Variants in SGCZ observed in about 807,000 individuals in gnomAD.
SGCZ encodes the protein zeta-sarcoglycan.
SGCZ carries 40 observed loss-of-function variants against 41.3 expected under a neutral mutation model. The observed-to-expected ratio is 0.97, with a 90% CI of 0.75 to 1.26. The LOEUF is 1.26. Among genes scored for constraint, SGCZ ranks in the 50% most tolerant of loss-of-function variants. The pLI is 0.00. For synonymous variants in SGCZ, 206 were observed against 137.5 expected (o/e 1.50, Z -3.49); for missense variants, 552 against 369.8 (o/e 1.49, Z -4.04).
At chr8:14,563,997 C>G (rs992345185) in intron 1 of SGCZ, among the ~76,000 whole-genome samples, 6 of 152,244 alleles carry the variant, frequency 3.9e-5, no homozygotes, top group South Asian at 2.1e-4. Flanking sequence ...GCTCTTCTCA[C>G]TCACTAATTT....
At chr8:14,870,770 C>G (rs549377445) in intron 1 of SGCZ, among the ~76,000 whole-genome samples, 1 of 150,870 alleles carries the variant, frequency 6.6e-6, no homozygotes, top group Non-Finnish European at 1.5e-5. Flanking sequence ...GTGAAGAATA[C>G]GAACAGACAC....
At chr8:14,283,444 G>C (rs1268270214) in intron 3 of SGCZ, among the ~76,000 whole-genome samples, 1 of 152,066 alleles carries the variant, frequency 6.6e-6, no homozygotes, top group Non-Finnish European at 1.5e-5. Context: ...TTCCTACTTA[G>C]AAAAATGTCA....
chr8:14,551,167 C>A, intron 2 of SGCZ, among the ~76,000 whole-genome samples: 1 of 148,482 alleles, frequency 6.7e-6, no homozygotes. Flanking sequence ...TAGAGGCCAC[C>A]AAACCTTAGT....
intron 1 of SGCZ, among the ~76,000 whole-genome samples, chr8:14,967,584 T>C (rs1212458513): frequency 6.6e-6 from 1 of 152,146 alleles, no homozygotes; most frequent in African/African-American, 2.4e-5. Flanking sequence ...ACTCGCCACG[T>C]CTGAAGCTGA....
intron 1 of SGCZ, among the ~76,000 whole-genome samples, chr8:14,680,855 T>C (rs971772351): frequency 6.7e-6 from 1 of 149,442 alleles, no homozygotes; most frequent in African/African-American, 2.5e-5. Context: ...ATGAAATATA[T>C]ACTGGACAGG....
chr8:14,682,699 G>A (rs932453860), intron 1 of SGCZ, among the ~76,000 whole-genome samples: 1 of 152,150 alleles, frequency 6.6e-6, no homozygotes, highest in African/African-American at 2.4e-5. Context: ...CTCCCAAAGT[G>A]CTGGGATTAC....
chr8:14,854,201 C>T (rs1356633943), intron 1 of SGCZ, among the ~76,000 whole-genome samples: 8 of 151,308 alleles, frequency 5.3e-5, no homozygotes, highest in Non-Finnish European at 7.4e-5. Flanking sequence ...TAGTAATCAT[C>T]TTAAATGCAG....
intron 2 of SGCZ, among the ~76,000 whole-genome samples, chr8:14,526,204 A>G (rs564911811): frequency 3.9e-5 from 6 of 152,280 alleles, no homozygotes; most frequent in African/African-American, 1.4e-4. Flanking sequence ...CCAATATTAC[A>G]TAAGTGTAAT....
intron 2 of SGCZ, among the ~76,000 whole-genome samples, chr8:14,482,268 C>G (rs1311299396): frequency 6.6e-6 from 1 of 152,186 alleles, no homozygotes; most frequent in Non-Finnish European, 1.5e-5. Context: ...ATCTCTGCCT[C>G]TCAAGACTGC....
intron 1 of SGCZ, among the ~76,000 whole-genome samples, chr8:15,180,474 C>G (rs1356824552): frequency 6.6e-6 from 1 of 152,010 alleles, no homozygotes; most frequent in East Asian, 1.9e-4. Flanking sequence ...TACATCTGCT[C>G]TTTTATTGCT....
chr8:14,914,649 T>C (rs1799374678), intron 1 of SGCZ, among the ~76,000 whole-genome samples: 1 of 152,090 alleles, frequency 6.6e-6, no homozygotes, highest in South Asian at 2.1e-4. Context: ...AAACATAAAA[T>C]AACAAAGGCA....
intron 2 of SGCZ, among the ~76,000 whole-genome samples, chr8:14,540,513 ACT>A (rs1391354011): frequency 6.7e-6 from 1 of 150,164 alleles, no homozygotes; most frequent in Non-Finnish European, 1.5e-5. Flanking sequence ...AAACCCTTCC[ACT>A]GATTCCCAGA....
chr8:14,192,539 CAT>C (rs1805137246), intron 4 of SGCZ, among the ~76,000 whole-genome samples: 1 of 151,852 alleles, frequency 6.6e-6, no homozygotes, highest in African/African-American at 2.4e-5. Flanking sequence ...GAATACATTG[CAT>C]ATGATATTTG....
chr8:14,358,663 G>C (rs1366481644), intron 2 of SGCZ, among the ~76,000 whole-genome samples: 1 of 152,144 alleles, frequency 6.6e-6, no homozygotes. Flanking sequence ...CCAGGCTGGA[G>C]TGCAGTGGTG....
intron 1 of SGCZ, among the ~76,000 whole-genome samples, chr8:14,987,992 G>C (rs1801881726): frequency 6.6e-6 from 1 of 151,860 alleles, no homozygotes; most frequent in African/African-American, 2.4e-5. Context: ...TAATCACTAT[G>C]AATATAATTA....
intron 4 of SGCZ, among the ~76,000 whole-genome samples, chr8:14,234,960 T>C (rs1012972819): frequency 2.6e-5 from 4 of 152,164 alleles, no homozygotes; most frequent in Non-Finnish European, 4.4e-5. Flanking sequence ...ATGAGATTTC[T>C]CCCATAATAT....
At chr8:14,179,314 C>T (rs1353185900) in intron 4 of SGCZ, among the ~76,000 whole-genome samples, 1 of 152,206 alleles carries the variant, frequency 6.6e-6, no homozygotes, top group Non-Finnish European at 1.5e-5. Flanking sequence ...ATTGTTAAAA[C>T]AAGTGGTCCT....
At chr8:14,405,328 ATTACT>A (rs1452401808) in intron 2 of SGCZ, among the ~76,000 whole-genome samples, 2 of 151,934 alleles carry the variant, frequency 1.3e-5, no homozygotes, top group Admixed American at 6.6e-5. Context: ...GGTAACAATG[ATTACT>A]TTATGTATCT....
intron 1 of SGCZ, among the ~76,000 whole-genome samples, chr8:15,183,542 G>A (rs1206133739): frequency 1.3e-5 from 2 of 152,118 alleles, no homozygotes; most frequent in East Asian, 3.8e-4. Flanking sequence ...TATTGTCTCT[G>A]CATCATTTTG....
Sources: gnomAD v4.1 joint callset for allele counts (sites outside exome capture counted in the v4.1 genomes callset) on GRCh38, gnomAD v4.1.1 for gene constraint, MANE v1.5 for transcripts, NCBI Gene and HGNC (gene_info 2026-07-23, HGNC 2026-07-21) for gene names.